PRKG1: variants seen among roughly 807,000 people sequenced by gnomAD.
PRKG1 encodes protein kinase cGMP-dependent 1.
A neutral mutation model predicts 88.1 loss-of-function variants in PRKG1; 35 were observed. That is an observed-to-expected ratio of 0.40 (90% CI 0.30 to 0.53). PRKG1 has a LOEUF of 0.53. Ranked by LOEUF, PRKG1 falls within the 20% of genes least tolerant of loss-of-function variation. The pLI, the probability that PRKG1 is intolerant of heterozygous loss-of-function variation, is 0.59. For synonymous variants in PRKG1, 303 were observed against 292.5 expected, an observed-to-expected ratio of 1.04 and a Z score of -0.37; for missense variants, 540 against 839.8, an observed-to-expected ratio of 0.64 and a Z score of 4.41.
At chr10:52,083,896 A>G (rs1465371256) in intron 7 of PRKG1, among the ~76,000 whole-genome samples, 1 of 152,092 alleles carries the variant, frequency 6.6e-6, no homozygotes, top group East Asian at 1.9e-4. Flanking sequence ...CTGGAAGATC[A>G]GTGGGTACTA....
chr10:51,100,400 A>G (rs921596760), intron 1 of PRKG1, among the ~76,000 whole-genome samples: 2 of 152,160 alleles, frequency 1.3e-5, no homozygotes, highest in African/African-American at 4.8e-5. Context: ...ACACTCAGCC[A>G]CTCAAAAGTA....
At chr10:51,961,026 C>CA (rs1843434759) in intron 5 of PRKG1, among the ~76,000 whole-genome samples, 1 of 151,728 alleles carries the variant, frequency 6.6e-6, no homozygotes, top group Admixed American at 6.6e-5. Context: ...TATTAAGTGC[C>CA]AAAAAAGGCA....
intron 1 of PRKG1, among the ~76,000 whole-genome samples, chr10:51,121,927 A>G (rs1351403694): frequency 6.6e-6 from 1 of 152,190 alleles, no homozygotes; most frequent in Non-Finnish European, 1.5e-5. Flanking sequence ...CACTTATTGC[A>G]TTTAATGTTC....
chr10:51,858,286 ATTATACATATGTAT>A (rs1163459506), intron 4 of PRKG1, among the ~76,000 whole-genome samples: 10 of 13,446 alleles, frequency 7.4e-4, no homozygotes, highest in Non-Finnish European at 1.1e-3. Context: ...CATATGTATA[ATTATACATATGTAT>A]AATATATATA....
intron 7 of PRKG1, among the ~76,000 whole-genome samples, chr10:52,066,744 C>T (rs907374844): frequency 2.6e-5 from 4 of 152,132 alleles, no homozygotes; most frequent in Non-Finnish European, 5.9e-5. Flanking sequence ...CAGAAAAAAA[C>T]CTAGATTTTA....
chr10:51,272,808 C>T (rs1840016169), intron 2 of PRKG1, among the ~76,000 whole-genome samples: 1 of 152,096 alleles, frequency 6.6e-6, no homozygotes, highest in African/African-American at 2.4e-5. Flanking sequence ...GGAATCTCCT[C>T]CCTTTTAATA....
At chr10:51,029,937 ATAAT>A (rs1421715132) in intron 1 of PRKG1, among the ~76,000 whole-genome samples, 3 of 152,144 alleles carry the variant, frequency 2.0e-5, no homozygotes, top group Non-Finnish European at 4.4e-5. Context: ...GATAATAATA[ATAAT>A]TAAATCTATC....
chr10:52,105,379 A>C (rs1374483665), intron 7 of PRKG1, among the ~76,000 whole-genome samples: 1 of 152,180 alleles, frequency 6.6e-6, no homozygotes, highest in Non-Finnish European at 1.5e-5. Context: ...TAAGAGATAA[A>C]CTTGACTGAT....
intron 9 of PRKG1, among the ~76,000 whole-genome samples, chr10:52,219,960 T>G (rs1047608556): frequency 6.6e-6 from 1 of 152,056 alleles, no homozygotes; most frequent in African/African-American, 2.4e-5. Flanking sequence ...TCTTGAGGTT[T>G]CTGTGAACAT....
At chr10:51,554,389 A>G (rs1299254869) in intron 3 of PRKG1, among the ~76,000 whole-genome samples, 1 of 143,020 alleles carries the variant, frequency 7.0e-6, no homozygotes, top group Non-Finnish European at 1.5e-5. Context: ...ATATATACAT[A>G]TATGTATATA....
intron 3 of PRKG1, among the ~76,000 whole-genome samples, chr10:51,573,073 A>G (rs10998251): frequency 0.14 from 21,644 of 151,824 alleles, 1,666 homozygotes; most frequent in African/African-American, 0.2. Flanking sequence ...ACAATCTCTA[A>G]GAGATATTCA....
intron 5 of PRKG1, among the ~76,000 whole-genome samples, chr10:51,997,987 G>A (rs1243188510): frequency 6.6e-6 from 1 of 152,036 alleles, no homozygotes; most frequent in East Asian, 1.9e-4. Context: ...CAGAAAGAAA[G>A]CTTTCAATGT....
intron 8 of PRKG1, among the ~76,000 whole-genome samples, chr10:52,158,711 G>T (rs1053914137): frequency 2.6e-5 from 4 of 151,504 alleles, no homozygotes; most frequent in Non-Finnish European, 5.9e-5. Context: ...TTTGTTTAAC[G>T]TTTCAGAAAA....
chr10:51,471,794 TA>T (rs1459455316), intron 3 of PRKG1, among the ~76,000 whole-genome samples: 1 of 151,842 alleles, frequency 6.6e-6, no homozygotes, highest in Non-Finnish European at 1.5e-5. Flanking sequence ...CTCATTCAAC[TA>T]AACTCCAATG....
chr10:51,396,908 T>C (rs1837591318), intron 2 of PRKG1, among the ~76,000 whole-genome samples: 1 of 152,032 alleles, frequency 6.6e-6, no homozygotes, highest in Non-Finnish European at 1.5e-5. Flanking sequence ...ATATTCAAGA[T>C]AAATAATATT....
At chr10:51,813,689 C>T (rs569879575) in intron 4 of PRKG1, among the ~76,000 whole-genome samples, 1 of 152,004 alleles carries the variant, frequency 6.6e-6, no homozygotes, top group Non-Finnish European at 1.5e-5. Flanking sequence ...TTCTGGATAC[C>T]CAAATATTAG....
intron 3 of PRKG1, among the ~76,000 whole-genome samples, chr10:51,760,659 A>AG (rs765414704): frequency 3.3e-5 from 5 of 151,842 alleles, no homozygotes; most frequent in Non-Finnish European, 5.9e-5. Context: ...TTTAGTAGGG[A>AG]GGGGGTTTCA....
intron 9 of PRKG1, among the ~76,000 whole-genome samples, chr10:52,173,805 T>A (rs1838779136): frequency 1.3e-5 from 2 of 152,300 alleles, no homozygotes; most frequent in Non-Finnish European, 2.9e-5. Context: ...CATTACTAAT[T>A]GAGCATACTG....
At chr10:51,474,194 A>G (rs1198645814) in intron 3 of PRKG1, among the ~76,000 whole-genome samples, 3 of 151,974 alleles carry the variant, frequency 2.0e-5, no homozygotes, top group Non-Finnish European at 4.4e-5. Flanking sequence ...GCAGTTAAAC[A>G]ATTAGGCCCA....
Sources: gnomAD v4.1 joint callset for allele counts (sites outside exome capture counted in the v4.1 genomes callset) on GRCh38, gnomAD v4.1.1 for gene constraint, MANE v1.5 for transcripts, NCBI Gene and HGNC (gene_info 2026-07-23, HGNC 2026-07-21) for gene names.